PTPN3: variants seen among roughly 807,000 people sequenced by gnomAD.
The protein encoded by PTPN3 is protein tyrosine phosphatase non-receptor type 3.
Under a neutral mutation model 132.7 loss-of-function variants are expected in PTPN3, and 96 were observed. That is an observed-to-expected ratio of 0.72 (90% CI 0.61 to 0.86). PTPN3 has a LOEUF of 0.86. Among genes scored for constraint, PTPN3 ranks in the 40% least tolerant of loss-of-function variants. PTPN3 has a pLI of 0.00. For synonymous variants in PTPN3, 398 were observed against 429.0 expected, an observed-to-expected ratio of 0.93 and a Z score of 0.89; for missense variants, 1,125 against 1,159.6, an observed-to-expected ratio of 0.97 and a Z score of 0.43.
At chr9:109,424,275 T>A (rs1338388431) in intron 12 of PTPN3, among the ~76,000 whole-genome samples, 2 of 152,228 alleles carry the variant, frequency 1.3e-5, no homozygotes, top group African/African-American at 4.8e-5. Flanking sequence ...GGGCAAGTCA[T>A]GTGACCCTTC....
chr9:109,457,122 T>A, intron 4 of PTPN3, 51 bp downstream of exon 4: 1 of 1,573,534 alleles, frequency 6.4e-7, no homozygotes, highest in East Asian at 2.2e-5. Flanking sequence ...AGAAACAGGC[T>A]GTGATACACT....
intron 2 of PTPN3, among the ~76,000 whole-genome samples, chr9:109,459,154 T>A (rs945208513): frequency 6.6e-6 from 1 of 152,272 alleles, no homozygotes; most frequent in Non-Finnish European, 1.5e-5. Flanking sequence ...GAAATTAAAA[T>A]GTAATAACAA....
At chr9:109,456,809 T>C (rs1361078652) in intron 4 of PTPN3, among the ~76,000 whole-genome samples, 1 of 149,586 alleles carries the variant, frequency 6.7e-6, no homozygotes, top group Admixed American at 6.8e-5. Flanking sequence ...TTGGAAAGTA[T>C]GAGGTGTTTG....
At chr9:109,506,425 C>T in the PTPN3 span, among the ~76,000 whole-genome samples, 4 of 152,026 alleles carry the variant, frequency 2.6e-5, no homozygotes, top group Non-Finnish European at 4.4e-5. Context: ...CCTTTTTGTA[C>T]CTTCTGAATT....
At chr9:109,524,613 T>TA in the PTPN3 span, among the ~76,000 whole-genome samples, 4 of 152,240 alleles carry the variant, frequency 2.6e-5, no homozygotes, top group Non-Finnish European at 4.4e-5. Context: ...TATAATTGTG[T>TA]AAAAATATGT....
At chr9:109,447,259 C>T (rs1467345464) in intron 6 of PTPN3, among the ~76,000 whole-genome samples, 1 of 152,086 alleles carries the variant, frequency 6.6e-6, no homozygotes, top group African/African-American at 2.4e-5. Flanking sequence ...CTTATTTGAC[C>T]AGCGTAGTTC....
chr9:109,412,766 C>T (rs1049462926), intron 14 of PTPN3, among the ~76,000 whole-genome samples: 2 of 152,108 alleles, frequency 1.3e-5, no homozygotes, highest in Non-Finnish European at 2.9e-5. Context: ...ACTGGCCTCC[C>T]TAAGCGCTGG....
At chr9:109,523,746 A>G in the PTPN3 span, among the ~76,000 whole-genome samples, 4 of 152,272 alleles carry the variant, frequency 2.6e-5, no homozygotes, top group Admixed American at 1.3e-4. Flanking sequence ...GGATCTTTAG[A>G]GCTTATATAA....
intron 22 of PTPN3, among the ~76,000 whole-genome samples, chr9:109,387,682 G>A (rs935873719): frequency 5.9e-5 from 9 of 152,306 alleles, no homozygotes; most frequent in African/African-American, 1.7e-4. Flanking sequence ...AGTGGAAAGC[G>A]GTGGTGCCAG....
At chr9:109,428,061 G>A (rs898802132) in intron 11 of PTPN3, among the ~76,000 whole-genome samples, 8 of 152,186 alleles carry the variant, frequency 5.3e-5, no homozygotes, top group Admixed American at 1.3e-4. Flanking sequence ...CCAAGCCATC[G>A]TGCAGTTTCA....
At chr9:109,473,366 C>T (rs1199751678) in intron 1 of PTPN3, among the ~76,000 whole-genome samples, 2 of 152,110 alleles carry the variant, frequency 1.3e-5, no homozygotes, top group Admixed American at 6.5e-5. Context: ...TCTTTTCATA[C>T]GACTTCAAAA....
Position 109,391,167 on chromosome 9 carries a change from C to T in PTPN3, c.2077G>A (p.Glu693Lys), listed in dbSNP as rs866921746. 1 of 1,613,652 alleles carries T rather than the reference C, an allele frequency of 6.2e-7. No individual in the cohort carries two copies. Among genetic ancestry groups the T allele is most frequent in the Non-Finnish European group, 8.5e-7 (1 of 1,179,702 alleles). The change falls in exon 21 of 26, where the codon GAA (glutamate) becomes AAA (lysine). Residue 693 changes from glutamate (E) to lysine (K), a missense_variant. Glu to Lys is a moderately conservative substitution (Grantham distance 56, BLOSUM62 1). Coordinates refer to ENST00000374541, the MANE Select transcript of PTPN3 (RefSeq NM_002829.4). Reference sequence around the variant, plus strand: ...ACGTAACTTGCATTAATATAATCTTCATTTCCCTGCAATAATACCCGGGTG... The same window carrying T: ...ACGTAACTTGCATTAATATAATCTTTATTTCCCTGCAATAATACCCGGGTG... ...DTTRVLLQGN[E>K]DYINASYVNM...
At chr9:109,516,238 G>A in the PTPN3 span, among the ~76,000 whole-genome samples, 17 of 152,278 alleles carry the variant, frequency 1.1e-4, no homozygotes, top group African/African-American at 3.4e-4. Flanking sequence ...GGGATACAAA[G>A]GCCAATTAGA....
intron 10 of PTPN3, among the ~76,000 whole-genome samples, chr9:109,432,694 T>C (rs1843749358): frequency 6.6e-6 from 1 of 152,128 alleles, no homozygotes; most frequent in African/African-American, 2.4e-5. Context: ...GGACACTTGG[T>C]AAAGGTTCAG....
rs777761915 is a variant in PTPN3, at chr9:109,404,554, G to A, written c.1847C>T (p.Pro616Leu). The change falls in exon 19 of 26, where the codon CCC becomes CTC. Residue 616 changes from proline to leucine, a missense_variant. By Grantham distance (98) the Pro-to-Leu change is moderately conservative (BLOSUM62 -3). Transcript: ENST00000374541. ...CGGACACATGGGGAAAATGGCTTCGGGGAAAAGCTGGTTCAGTTCATCTTC... is the reference window on the plus strand; with the variant it reads ...CGGACACATGGGGAAAATGGCTTCGAGGAAAAGCTGGTTCAGTTCATCTTC... ...KSEDELNQLF[P>L]EAIFPMCPEG... is the part of the protein sequence containing the mutation. 1.3e-6 allele frequency: 2 copies of A among 1,566,868 alleles called. No homozygotes were observed. The highest frequency in any genetic ancestry group is 3.5e-5 in the Admixed American group (2 of 57,792).
the PTPN3 span, among the ~76,000 whole-genome samples, chr9:109,521,727 T>C: frequency 6.6e-6 from 1 of 152,266 alleles, no homozygotes; most frequent in African/African-American, 2.4e-5. Flanking sequence ...CCCACTAGAC[T>C]TGAATTTCCA....
At chr9:109,510,077 G>A in the PTPN3 span, among the ~76,000 whole-genome samples, 4 of 152,198 alleles carry the variant, frequency 2.6e-5, no homozygotes, top group Non-Finnish European at 5.9e-5. Flanking sequence ...GCAGCAGAGG[G>A]AAGTGTTGGT....
rs374824580 is a variant in PTPN3, at chr9:109,410,112, A to C, written c.1501-36T>G. 3.7e-6 allele frequency: 6 copies of C among 1,614,080 alleles called. No homozygotes were observed. The African/African-American group carries it at 8.0e-5, about 22-fold the overall frequency. The stretch of plus-strand genomic sequence containing the variant: ...GTTTGAAAGTGGTCATTTGCATCAC[A>C]TCTCTCTCCAGCAGTTGGTGATAAG... On this transcript the variant is annotated intron_variant, in intron 15 of 25. Coordinates refer to ENST00000374541, the MANE Select transcript of PTPN3 (RefSeq NM_002829.4).
intron 1 of PTPN3, among the ~76,000 whole-genome samples, chr9:109,477,802 C>T (rs1400900811): frequency 6.6e-6 from 1 of 152,252 alleles, no homozygotes; most frequent in Non-Finnish European, 1.5e-5. Flanking sequence ...GTCAGTCTCT[C>T]CTCCCACTGC....
Sources: allele counts gnomAD v4.1 joint callset (sites outside exome capture counted in the v4.1 genomes callset), GRCh38; gene constraint gnomAD v4.1.1; transcripts MANE v1.5; gene names NCBI Gene and HGNC (gene_info 2026-07-23, HGNC 2026-07-21).